The following SHROOM2 variants were observed in gnomAD, a reference collection of about 807,000 sequenced individuals.
SHROOM2 encodes the protein shroom family member 2, also known as protein Shroom2.
Under a neutral mutation model 75.9 loss-of-function variants are expected in SHROOM2, and 33 were observed. The ratio of observed to expected loss-of-function variants is 0.43; its 90% CI spans 0.33 to 0.58. The LOEUF (loss-of-function observed/expected upper bound fraction) is 0.58. Among genes scored for constraint, SHROOM2 ranks in the 20% least tolerant of loss-of-function variants. SHROOM2 has a pLI of 0.04. For missense variants in SHROOM2, 1,434 were observed against 1,461.2 expected (o/e 0.98, Z 0.30); for synonymous variants, 655 against 663.6 (o/e 0.99, Z 0.20).
chrX:9,882,956 C>T (rs1275612127), intron 2 of SHROOM2, among the ~76,000 whole-genome samples: 1 of 112,616 alleles, frequency 8.9e-6, no homozygotes, highest in African/African-American at 3.2e-5. Flanking sequence ...TTCACGCAGG[C>T]ATTGCCGCAC....
In SHROOM2 at chrX:9,894,486, C is replaced by T. The variant is rs2084312173; in HGVS notation, c.578C>T (p.Ser193Phe). 1 of 1,207,068 alleles carries T rather than the reference C, an allele frequency of 8.3e-7. No homozygotes were observed. The highest frequency in any genetic ancestry group is 1.8e-5 in the African/African-American group (1 of 56,244). ...TCCAGTCGCCTCTCGGTGGCCAAGT[C>T]CAACAGCAGCATCGACCACCTGGGC... ...HPSSRLSVAK[S>F]NSSIDHLGSH... Residue 193 changes from serine to phenylalanine, a missense_variant, in exon 4 of 10, where the codon TCC becomes TTC. Transcript: ENST00000380913.
At position 9,827,211 on chromosome X, in the gene SHROOM2, A is replaced by ATTTTTC. The variant is rs1383445735; in HGVS notation, c.165+40513_165+40518dup. On this transcript the variant is annotated intron_variant, in intron 1 of 9. Coordinates refer to ENST00000380913, the MANE Select transcript of SHROOM2 (RefSeq NM_001649.4). The stretch of plus-strand genomic sequence containing the variant: ...TATGGTCTTACATGTTAGCCTTGAC[A>ATTTTTC]TTTTTCTTTTTCTTTTTTTTTTTTT... Among the ~76,000 whole-genome samples, 2 of 45,527 alleles carry ATTTTTC rather than the reference A, an allele frequency of 4.4e-5. 1 individual carries two copies. Among genetic ancestry groups the ATTTTTC allele is most frequent in the African/African-American group, 2.0e-4 (2 of 10,138 alleles). The allele number at this position is 45,527 out of a possible 115,157, so 39.5% of individuals were successfully genotyped here. A position where few individuals can be genotyped will look rare whatever the true frequency, so the allele number is the denominator to read the frequency against.
intron 5 of SHROOM2, among the ~76,000 whole-genome samples, chrX:9,918,352 C>T (rs186718898): frequency 8.9e-6 from 1 of 112,577 alleles, no homozygotes; most frequent in Admixed American, 9.4e-5. Flanking sequence ...ACTTTTATTG[C>T]TCACAGTTCT....
chrX:9,800,332 G>GTATTATTAT (rs572234520), intron 1 of SHROOM2, among the ~76,000 whole-genome samples: 2 of 109,075 alleles, frequency 1.8e-5, no homozygotes, highest in Non-Finnish European at 3.8e-5. Context: ...TTTATTTTAT[G>GTATTATTAT]TATTATTATT....
chrX:9,817,094 C>T (rs1393056407), intron 1 of SHROOM2, among the ~76,000 whole-genome samples: 2 of 110,559 alleles, frequency 1.8e-5, no homozygotes, highest in East Asian at 5.7e-4. Context: ...ACCTCAGCCT[C>T]CTGAGTAGGT....
At chrX:9,815,571 C>CCTATATCCTATAT (rs1555923297) in intron 1 of SHROOM2, among the ~76,000 whole-genome samples, 3 of 96,512 alleles carry the variant, frequency 3.1e-5, no homozygotes, top group African/African-American at 7.8e-5. Flanking sequence ...ATATCTATAT[C>CCTATATCCTATAT]CTATATCTAT....
chrX:9,917,526 G>A (rs2084501360), intron 5 of SHROOM2, among the ~76,000 whole-genome samples: 1 of 110,770 alleles, frequency 9.0e-6, no homozygotes, highest in African/African-American at 3.3e-5. Flanking sequence ...TGTTGTTGTT[G>A]TTGTTGTTTT....
At chrX:9,788,335 T>G (rs1252170082) in intron 1 of SHROOM2, among the ~76,000 whole-genome samples, 1 of 111,435 alleles carries the variant, frequency 9.0e-6, no homozygotes, top group Non-Finnish European at 1.9e-5. Flanking sequence ...CCTGGAATAC[T>G]GTACAACTCA....
At chrX:9,843,870 G>T (rs1423389211) in intron 1 of SHROOM2, among the ~76,000 whole-genome samples, 1 of 112,608 alleles carries the variant, frequency 8.9e-6, no homozygotes, top group Non-Finnish European at 1.9e-5. Flanking sequence ...GTAGAATGAG[G>T]TTATGGCTTT....
At chrX:9,888,710 CT>C (rs1381325625) in intron 2 of SHROOM2, among the ~76,000 whole-genome samples, 1 of 112,080 alleles carries the variant, frequency 8.9e-6, no homozygotes, top group Admixed American at 9.5e-5. Context: ...TCTCAAAGTG[CT>C]GGGATTACAG....
chrX:9,791,303 G>A (rs1272866560), intron 1 of SHROOM2, among the ~76,000 whole-genome samples: 1 of 111,194 alleles, frequency 9.0e-6, no homozygotes, highest in Admixed American at 9.6e-5. Context: ...TTGCCACTTG[G>A]GAAGGGCTGG....
chrX:9,907,358 G>A (rs751394281), intron 5 of SHROOM2, among the ~76,000 whole-genome samples: 20 of 110,996 alleles, frequency 1.8e-4, no homozygotes, highest in Non-Finnish European at 3.2e-4. Flanking sequence ...CTGCCGTGCC[G>A]CTCTCCACTC....
At position 9,932,623 on chromosome X, in the gene SHROOM2, A is replaced by G; in HGVS notation, c.3340A>G (p.Ser1114Gly). Residue 1114 changes from serine (S) to glycine (G), a missense_variant, in exon 6 of 10, where the codon AGC becomes GGC. Ser to Gly is a moderately conservative substitution (Grantham distance 56). Transcript: ENST00000380913. ...VYVARLSLSH[S>G]PSVFSSAQPQ... The stretch of plus-strand genomic sequence containing the variant: ...TGTGGCCCGCCTGTCCCTCTCCCAC[A>G]GCCCCTCTGTGTTCAGCAGTGCCCA... The G allele has an allele frequency of 8.3e-7, 1 of 1,210,767 alleles. No individual in the cohort carries two copies. Among genetic ancestry groups the G allele is most frequent in the Non-Finnish European group, 1.1e-6 (1 of 894,943 alleles).
intron 5 of SHROOM2, among the ~76,000 whole-genome samples, chrX:9,905,108 G>A (rs866770530): frequency 1.8e-5 from 2 of 112,253 alleles, no homozygotes; most frequent in Admixed American, 9.4e-5. Context: ...TCTTGCCTCA[G>A]CCTCTCAGAG....
intron 2 of SHROOM2, 93 bp from the exon 3 acceptor site, chrX:9,890,882 CTG>C (rs2084287206): frequency 1.1e-6 from 1 of 909,453 alleles, no homozygotes; most frequent in Admixed American, 3.2e-5. Flanking sequence ...AGCGTGTGCC[CTG>C]TGTGCGGTCC....
intron 5 of SHROOM2, among the ~76,000 whole-genome samples, 199 bp from the exon 6 acceptor site, chrX:9,931,976 G>C (rs866784224): frequency 9.1e-6 from 1 of 110,296 alleles, no homozygotes. Flanking sequence ...CATGCCAGTC[G>C]ACAGCCTCAT....
intron 1 of SHROOM2, among the ~76,000 whole-genome samples, chrX:9,790,515 C>T (rs73473837): frequency 2.6e-4 from 29 of 111,552 alleles, no homozygotes; most frequent in African/African-American, 8.1e-4. Context: ...AACATCTGCA[C>T]GAGGGAGTGC....
intron 1 of SHROOM2, among the ~76,000 whole-genome samples, chrX:9,829,491 T>G (rs751671141): frequency 3.6e-5 from 4 of 111,689 alleles, no homozygotes; most frequent in Non-Finnish European, 7.5e-5. Context: ...CCTTTGGAGG[T>G]GGAGTTCCAA....
chrX:9,913,401 G>C (rs1393228826), intron 5 of SHROOM2, among the ~76,000 whole-genome samples: 4 of 112,443 alleles, frequency 3.6e-5, no homozygotes, highest in African/African-American at 1.3e-4. Context: ...CTTTTATTTT[G>C]CTCTTTGGTG....
Sources: allele counts gnomAD v4.1 joint callset (sites outside exome capture counted in the v4.1 genomes callset), GRCh38; gene constraint gnomAD v4.1.1; transcripts MANE v1.5; gene names NCBI Gene and HGNC (gene_info 2026-07-23, HGNC 2026-07-21).